The following DNAH14 variants were observed in gnomAD, a reference collection of about 807,000 sequenced individuals.
The protein encoded by DNAH14 is dynein axonemal heavy chain 14.
A neutral mutation model predicts 520.9 loss-of-function variants in DNAH14; 478 were observed. That is an observed-to-expected ratio of 0.92 (90% CI 0.85 to 0.99). The LOEUF is 0.99. DNAH14 is among the 50% of genes least tolerant of loss of function. The pLI is 0.00. For synonymous variants in DNAH14, 1,581 were observed against 1,757.2 expected (o/e 0.90, Z 2.51); for missense variants, 4,831 against 5,234.5 (o/e 0.92, Z 2.38).
At chr1:225,368,883 A>T (rs2095584018) in intron 77 of DNAH14, among the ~76,000 whole-genome samples, 1 of 152,168 alleles carries the variant, frequency 6.6e-6, no homozygotes, top group South Asian at 2.1e-4. Flanking sequence ...TTCTGTACCT[A>T]ACCAGGAACA....
intron 11 of DNAH14, chr1:225,024,263 A>C (rs1284564112): frequency 5.1e-6 from 5 of 985,108 alleles, no homozygotes; most frequent in African/African-American, 1.7e-5. Context: ...GATATGTGAG[A>C]ATTCTGGAAG....
At chr1:225,378,989 G>T (rs1009347764) in intron 79 of DNAH14, among the ~76,000 whole-genome samples, 2 of 152,136 alleles carry the variant, frequency 1.3e-5, no homozygotes, top group Non-Finnish European at 2.9e-5. Context: ...ACTGTCTAAG[G>T]AGGTCCTCCC....
At chr1:225,316,005 A>G (rs2094461120) in intron 60 of DNAH14, among the ~76,000 whole-genome samples, 1 of 152,180 alleles carries the variant, frequency 6.6e-6, no homozygotes, top group Non-Finnish European at 1.5e-5. Context: ...TTTTATCTAT[A>G]AGCCCCTGAC....
In DNAH14 at chr1:225,331,418, T is replaced by G. The variant is rs1477084236; in HGVS notation, c.9724-19T>G. 1 of 1,545,610 alleles carries G rather than the reference T, an allele frequency of 6.5e-7. No individual in the cohort carries two copies. Among genetic ancestry groups the G allele is most frequent in the South Asian group, 1.2e-5 (1 of 82,998 alleles). The stretch of plus-strand genomic sequence containing the variant: ...GAGAGTAAGATATTTTTCTCAATAA[T>G]GAATTAATTATCTTTCAGGTTGAAG... On this transcript the variant is annotated intron_variant, in intron 64 of 85. Transcript: ENST00000682510.
At position 225,085,592 on chromosome 1, in the gene DNAH14, A is replaced by G; in HGVS notation, c.3376A>G (p.Asn1126Asp). The change falls in exon 21 of 86, where the codon AAT becomes GAT. Residue 1126 changes from asparagine to aspartate, a missense_variant. By Grantham distance (23) the Asn-to-Asp change is conservative. Transcript: ENST00000682510. ...EINDMSTSAT[N>D]EAALEKMLFK... ...AAATGATATGTCAACCTCAGCAACT[A>G]ATGAAGCTGCTCTTGAAAAAATGCT... The G allele has an allele frequency of 1.3e-6, 2 of 1,548,842 alleles. No individual in the cohort carries two copies. Among genetic ancestry groups the G allele is most frequent in the Non-Finnish European group, 1.7e-6 (2 of 1,144,564 alleles).
At chr1:225,172,606 A>T (rs2082829669) in intron 36 of DNAH14, among the ~76,000 whole-genome samples, 1 of 152,244 alleles carries the variant, frequency 6.6e-6, no homozygotes, top group South Asian at 2.1e-4. Flanking sequence ...GCTCAATGAA[A>T]TAAAAGAGGA....
intron 27 of DNAH14, among the ~76,000 whole-genome samples, chr1:225,137,238 T>C (rs1184446208): frequency 1.3e-5 from 2 of 152,212 alleles, no homozygotes; most frequent in Admixed American, 1.3e-4. Flanking sequence ...TTTCAGTGTT[T>C]TTGCATTTAT....
chr1:224,956,204 A>G (rs2060500491), intron 3 of DNAH14, among the ~76,000 whole-genome samples: 1 of 151,674 alleles, frequency 6.6e-6, no homozygotes, highest in South Asian at 2.1e-4. Context: ...GTTCCCTTTA[A>G]ATGTTATTGT....
chr1:224,992,500 C>T (rs2063127641), intron 8 of DNAH14, among the ~76,000 whole-genome samples: 1 of 151,352 alleles, frequency 6.6e-6, no homozygotes, highest in Non-Finnish European at 1.5e-5. Context: ...CAGTTGTTCC[C>T]TTGAGTGTTT....
chr1:225,062,328 G>GAAAT (rs1230364396), intron 17 of DNAH14, among the ~76,000 whole-genome samples: 2 of 152,016 alleles, frequency 1.3e-5, no homozygotes, highest in Non-Finnish European at 2.9e-5. Flanking sequence ...GAAAGAAAGA[G>GAAAT]AAATAAATAA....
intron 7 of DNAH14, 162 bp downstream of exon 7, chr1:224,969,036 T>C (rs2501152): frequency 0.037 from 17,560 of 471,640 alleles, 2,482 homozygotes; most frequent in African/African-American, 0.31. Context: ...CTCTGTAACT[T>C]ATGAAGAAAT....
At chr1:225,063,240 C>T (rs1360739793) in intron 17 of DNAH14, among the ~76,000 whole-genome samples, 3 of 152,088 alleles carry the variant, frequency 2.0e-5, no homozygotes, top group African/African-American at 7.2e-5. Context: ...CATAGATACT[C>T]AAGTCCCTTA....
rs112181933 is a variant in DNAH14 at position 225,376,433 on chromosome 1, GA to G, written c.12517-796del. 7.9e-3 allele frequency among the ~76,000 whole-genome samples: 1,192 copies of G among 151,256 alleles called. 11 individuals carry two copies. The highest frequency in any genetic ancestry group is 0.04 in the East Asian group (208 of 5,144). The stretch of plus-strand genomic sequence containing the variant: ...CAGAGCAAGACTCCATCTCAAAAAA[GA>G]AAAAAAAGTTTAGGGTATTTTAAAT... On this transcript the variant is annotated intron_variant, in intron 78 of 85. Coordinates refer to ENST00000682510, the MANE Select transcript of DNAH14 (RefSeq NM_001367479.1).
At chr1:225,099,585 C>T (rs1228723785) in intron 22 of DNAH14, among the ~76,000 whole-genome samples, 1 of 152,062 alleles carries the variant, frequency 6.6e-6, no homozygotes, top group Non-Finnish European at 1.5e-5. Context: ...TCCAAAATGT[C>T]AACAGTGCAG....
At chr1:224,948,508 C>G (rs939137945) in intron 1 of DNAH14, among the ~76,000 whole-genome samples, 1 of 151,534 alleles carries the variant, frequency 6.6e-6, no homozygotes, top group East Asian at 1.9e-4. Context: ...AAATTTCTTC[C>G]CAATTTTGCT....
chr1:225,270,696 G>GAT (rs1387720987), intron 49 of DNAH14, 39 bp from the exon 50 acceptor site: 41 of 1,538,682 alleles, frequency 2.7e-5, no homozygotes, highest in Admixed American at 1.2e-4. Context: ...ACTTCCTACA[G>GAT]ATACATTCAG....
At chr1:225,020,065 C>G (rs1219708792) in intron 10 of DNAH14, among the ~76,000 whole-genome samples, 3 of 151,850 alleles carry the variant, frequency 2.0e-5, no homozygotes, top group South Asian at 2.1e-4. Context: ...TCAGCAAAAC[C>G]AAAAGTTGAT....
At chr1:225,173,060 A>G (rs2082892340) in intron 36 of DNAH14, among the ~76,000 whole-genome samples, 1 of 152,242 alleles carries the variant, frequency 6.6e-6, no homozygotes, top group African/African-American at 2.4e-5. Context: ...AGCCATATGT[A>G]GAAAGCTGAA....
At chr1:224,999,181 G>A (rs1041980530) in intron 8 of DNAH14, among the ~76,000 whole-genome samples, 9 of 151,858 alleles carry the variant, frequency 5.9e-5, no homozygotes, top group African/African-American at 1.7e-4. Context: ...ATATAGTTGT[G>A]CCATGGATTT....
Sources: allele counts gnomAD v4.1 joint callset (sites outside exome capture counted in the v4.1 genomes callset), GRCh38; gene constraint gnomAD v4.1.1; transcripts MANE v1.5; gene names NCBI Gene and HGNC (gene_info 2026-07-23, HGNC 2026-07-21).